Variants in SPOCK1 observed in about 807,000 individuals in gnomAD.
SPOCK1 encodes testican-1.
Under a neutral mutation model 55.3 loss-of-function variants are expected in SPOCK1, and 23 were observed. The observed-to-expected ratio is 0.42, with a 90% CI of 0.30 to 0.59. The LOEUF (loss-of-function observed/expected upper bound fraction) is 0.59, where lower values mean the gene tolerates loss of function less well. SPOCK1 is among the 20% of genes least tolerant of loss of function. The pLI is 0.22. For missense variants in SPOCK1, 499 were observed against 552.5 expected (o/e 0.90, Z 0.97); for synonymous variants, 226 against 221.0 (o/e 1.02, Z -0.20).
chr5:137,402,613 G>C (rs1352043392), intron 2 of SPOCK1, among the ~76,000 whole-genome samples: 1 of 152,144 alleles, frequency 6.6e-6, no homozygotes, highest in Non-Finnish European at 1.5e-5. Flanking sequence ...GCAGCCCCCG[G>C]GGGTTAGACC....
chr5:137,353,154 C>T (rs1219609940), intron 2 of SPOCK1, among the ~76,000 whole-genome samples: 2 of 151,968 alleles, frequency 1.3e-5, no homozygotes, highest in Non-Finnish European at 2.9e-5. Context: ...CTGAGGTGGG[C>T]GGATCGATAG....
intron 2 of SPOCK1, among the ~76,000 whole-genome samples, chr5:137,447,093 T>C (rs1404476592): frequency 6.6e-6 from 1 of 152,248 alleles, no homozygotes. Context: ...TTGGCTGTTG[T>C]TGTTAATGCT....
At chr5:137,443,849 C>A (rs1483598316) in intron 2 of SPOCK1, among the ~76,000 whole-genome samples, 4 of 152,202 alleles carry the variant, frequency 2.6e-5, no homozygotes, top group Non-Finnish European at 4.4e-5. Flanking sequence ...CCTCCTGAAT[C>A]ATCTCCCTAA....
intron 3 of SPOCK1, among the ~76,000 whole-genome samples, chr5:137,181,642 A>G (rs1347619413): frequency 6.6e-6 from 1 of 152,234 alleles, no homozygotes; most frequent in Non-Finnish European, 1.5e-5. Flanking sequence ...TAAACATTAA[A>G]CAGAGCTGGA....
chr5:137,017,280 T>TG (rs149295864), intron 6 of SPOCK1, among the ~76,000 whole-genome samples: 5,717 of 152,310 alleles, frequency 0.038, 144 homozygotes, highest in South Asian at 0.12. Flanking sequence ...GGCAGTACCT[T>TG]GATGTGGTAG....
At chr5:137,054,422 A>G (rs1286323740) in intron 6 of SPOCK1, among the ~76,000 whole-genome samples, 1 of 152,232 alleles carries the variant, frequency 6.6e-6, no homozygotes, top group African/African-American at 2.4e-5. Context: ...AACCTTGAAG[A>G]TACAGAGTTA....
intron 2 of SPOCK1, among the ~76,000 whole-genome samples, chr5:137,312,440 A>G (rs938262713): frequency 1.3e-5 from 2 of 152,234 alleles, no homozygotes; most frequent in African/African-American, 4.8e-5. Context: ...TGAGGCCTTC[A>G]GGAAAACCAT....
chr5:137,413,115 G>A (rs1402334086), intron 2 of SPOCK1, among the ~76,000 whole-genome samples: 1 of 152,120 alleles, frequency 6.6e-6, no homozygotes, highest in Non-Finnish European at 1.5e-5. Context: ...ATGAGGTAAA[G>A]GCCACTATTA....
chr5:136,986,391 T>G (rs1233664754), intron 8 of SPOCK1, among the ~76,000 whole-genome samples: 9 of 152,122 alleles, frequency 5.9e-5, no homozygotes, highest in Non-Finnish European at 1.2e-4. Flanking sequence ...CAATACGAAC[T>G]CAAACCTAAA....
chr5:137,476,065 G>A (rs1753832369), intron 2 of SPOCK1, among the ~76,000 whole-genome samples: 1 of 151,318 alleles, frequency 6.6e-6, no homozygotes. Context: ...AAGTTCAAGG[G>A]TACATGTACA....
At chr5:137,003,148 G>A (rs1751181397) in intron 6 of SPOCK1, among the ~76,000 whole-genome samples, 1 of 152,196 alleles carries the variant, frequency 6.6e-6, no homozygotes, top group East Asian at 1.9e-4. Flanking sequence ...GCTCATGCCT[G>A]TAGTCCCAGC....
chr5:137,466,596 T>C (rs35956537), intron 2 of SPOCK1, among the ~76,000 whole-genome samples: 3,136 of 152,322 alleles, frequency 0.021, 44 homozygotes, highest in African/African-American at 0.036. Flanking sequence ...AGACAAGTTA[T>C]TCAATCTCTC....
At position 137,103,710 on chromosome 5, in the gene SPOCK1, A is replaced by G. The variant is rs150018800; in HGVS notation, c.474+8725T>C. Among the ~76,000 whole-genome samples, 866 of 152,358 alleles carry G rather than the reference A, an allele frequency of 5.7e-3. 3 individuals carry two copies. The highest frequency in any genetic ancestry group is 0.02 in the African/African-American group (821 of 41,586). On this transcript the variant is annotated intron_variant, in intron 5 of 10. Coordinates refer to ENST00000394945, the MANE Select transcript of SPOCK1 (RefSeq NM_004598.4). ...AGCAGCTACAACCTATATCCTAACTAACACACAATTAATATTTTAAATATT... is the reference window on the plus strand; with the variant it reads ...AGCAGCTACAACCTATATCCTAACTGACACACAATTAATATTTTAAATATT...
At chr5:137,245,258 T>TA (rs200200615) in intron 3 of SPOCK1, among the ~76,000 whole-genome samples, 3 of 148,924 alleles carry the variant, frequency 2.0e-5, no homozygotes, top group Non-Finnish European at 3.0e-5. Flanking sequence ...ATGCCAGTAT[T>TA]AAAAAAATCA....
intron 2 of SPOCK1, among the ~76,000 whole-genome samples, chr5:137,300,920 G>T (rs907645209): frequency 6.6e-6 from 1 of 152,134 alleles, no homozygotes; most frequent in Non-Finnish European, 1.5e-5. Flanking sequence ...TCTCACAAGG[G>T]TCCATTCCCT....
At chr5:137,412,100 G>T (rs1033964571) in intron 2 of SPOCK1, among the ~76,000 whole-genome samples, 2 of 152,138 alleles carry the variant, frequency 1.3e-5, no homozygotes, top group East Asian at 3.9e-4. Context: ...CATGGAGATG[G>T]ACTGCACGAG....
At chr5:137,016,055 T>C (rs905555788) in intron 6 of SPOCK1, among the ~76,000 whole-genome samples, 2 of 152,140 alleles carry the variant, frequency 1.3e-5, no homozygotes, top group African/African-American at 4.8e-5. Flanking sequence ...TCAACTTCAC[T>C]GCAGAAGAAG....
chr5:137,007,486 AACAG>A (rs1175401786), intron 6 of SPOCK1, among the ~76,000 whole-genome samples: 6 of 152,238 alleles, frequency 3.9e-5, no homozygotes, highest in Non-Finnish European at 5.9e-5. Flanking sequence ...AAAGGATATG[AACAG>A]ACAGTTTTCA....
intron 3 of SPOCK1, among the ~76,000 whole-genome samples, chr5:137,158,254 G>A (rs971216591): frequency 2.0e-5 from 3 of 152,170 alleles, no homozygotes; most frequent in Non-Finnish European, 2.9e-5. Flanking sequence ...AGGGGACACT[G>A]GCAATGATTA....
Sources: allele counts gnomAD v4.1 joint callset (sites outside exome capture counted in the v4.1 genomes callset), GRCh38; gene constraint gnomAD v4.1.1; transcripts MANE v1.5; gene names NCBI Gene and HGNC (gene_info 2026-07-23, HGNC 2026-07-21).